Variants in FANCA observed in about 807,000 individuals in gnomAD.
FANCA encodes FA complementation group A.
FANCA carries 236 observed loss-of-function variants against 194.3 expected under a neutral mutation model. That is an observed-to-expected ratio of 1.21 (90% CI 1.09 to 1.35). The LOEUF (loss-of-function observed/expected upper bound fraction) is 1.35, where lower values mean the gene tolerates loss of function less well. FANCA is among the 40% of genes most tolerant of loss of function. The pLI is 0.00. For synonymous variants in FANCA, 1,014 were observed against 715.8 expected, an observed-to-expected ratio of 1.42 and a Z score of -6.65; for missense variants, 2,628 against 1,813.9, an observed-to-expected ratio of 1.45 and a Z score of -8.15.
intron 8 of FANCA, among the ~76,000 whole-genome samples, chr16:89,802,883 A>C (rs1470746284): frequency 6.6e-6 from 1 of 152,208 alleles, no homozygotes; most frequent in Non-Finnish European, 1.5e-5. Context: ...GAGATACCAG[A>C]GATGAGAAGG....
At chr16:89,808,427 C>T (rs1304491126) in intron 5 of FANCA, 60 bp from the exon 6 acceptor site, 9 of 1,524,754 alleles carry the variant, frequency 5.9e-6, no homozygotes, top group African/African-American at 1.4e-5. Context: ...CATTCTGAGT[C>T]CTTTATGAAT....
intron 3 of FANCA, among the ~76,000 whole-genome samples, chr16:89,811,727 T>A (rs1567654677): frequency 2.1e-5 from 1 of 47,148 alleles, no homozygotes; most frequent in African/African-American, 9.6e-5. Flanking sequence ...CCAAAATTAA[T>A]TTTTTTTTGT....
chr16:89,742,627 G>T (rs1442450029), intron 37 of FANCA, among the ~76,000 whole-genome samples, 173 bp downstream of exon 37: 1 of 124,588 alleles, frequency 8.0e-6, no homozygotes, highest in Non-Finnish European at 1.6e-5. Context: ...GGCTAACACA[G>T]TGAAACCCCG....
chr16:89,765,010 C>G lies in FANCA; in HGVS notation c.2658G>C (p.Glu886Asp), dbSNP rs139002130. Residue 886 changes from glutamate (E) to aspartate (D), a missense_variant, in exon 28 of 43, where the codon GAG (glutamate) becomes GAC (aspartate). Transcript: ENST00000389301. ...FSEARQPLSE[E>D]DVASLSWRPL... ...GTCTCCAGGAAAGGCTGGCTACGTC[C>G]TCCTCAGAAAGAGGCTGTCGGGCCT... The G allele has an allele frequency of 3.9e-4, 634 of 1,614,120 alleles. No individual in the cohort carries two copies. The highest frequency in any genetic ancestry group is 4.8e-4 in the Non-Finnish European group (564 of 1,180,048).
intron 9 of FANCA, 126 bp from the exon 10 acceptor site, chr16:89,799,358 A>G: frequency 8.9e-7 from 1 of 1,123,206 alleles, no homozygotes; most frequent in Non-Finnish European, 1.3e-6. Flanking sequence ...ATCCATCAAG[A>G]CTTCTACAAT....
intron 17 of FANCA, among the ~76,000 whole-genome samples, chr16:89,780,267 A>C (rs2143435762): frequency 6.6e-6 from 1 of 152,260 alleles, no homozygotes; most frequent in South Asian, 2.1e-4. Flanking sequence ...GCCTCCAGGA[A>C]AGAGTTGAAA....
intron 30 of FANCA, among the ~76,000 whole-genome samples, chr16:89,755,273 C>T (rs1376380715): frequency 1.3e-5 from 2 of 151,790 alleles, no homozygotes; most frequent in East Asian, 3.9e-4. Context: ...TGCAGTGGCA[C>T]AATCTGGGCT....
At chr16:89,802,129 G>C (rs980614883) in intron 8 of FANCA, among the ~76,000 whole-genome samples, 1 of 152,168 alleles carries the variant, frequency 6.6e-6, no homozygotes, top group African/African-American at 2.4e-5. Context: ...AGCTTTAACG[G>C]AGTCTCGCTC....
In FANCA at chr16:89,792,891, G is replaced by A. The variant is rs138835021; in HGVS notation, c.1007-344C>T. 1.7e-3 allele frequency among the ~76,000 whole-genome samples: 253 copies of A among 152,262 alleles called. 1 individual carries two copies. The highest frequency in any genetic ancestry group is 5.4e-3 in the African/African-American group (225 of 41,548). ...GGGCCCTTCCCTGCCTGGAAGCCGA[G>A]GCAGAGAGGGAGAGGAGATAGAGAC... On this transcript the variant is annotated intron_variant, in intron 11 of 42. Transcript: ENST00000389301.
At chr16:89,760,161 C>G (rs992350743) in intron 29 of FANCA, among the ~76,000 whole-genome samples, 1 of 152,266 alleles carries the variant, frequency 6.6e-6, no homozygotes, top group Admixed American at 6.5e-5. Flanking sequence ...AGCATGACCT[C>G]ATGCAGCAGA....
intron 7 of FANCA, among the ~76,000 whole-genome samples, chr16:89,804,936 T>C (rs2238533): frequency 0.13 from 20,345 of 151,512 alleles, 2,600 homozygotes; most frequent in East Asian, 0.64. Context: ...ACTAAGGAGG[T>C]TGAGGCAGAG....
At chr16:89,776,323 A>G (rs1306367922) in intron 20 of FANCA, among the ~76,000 whole-genome samples, 1 of 150,982 alleles carries the variant, frequency 6.6e-6, no homozygotes, top group African/African-American at 2.4e-5. Flanking sequence ...GCCTGCCACC[A>G]GGCCCAGCTA....
intron 37 of FANCA, 89 bp from the exon 38 acceptor site, chr16:89,740,955 AT>A: frequency 8.4e-7 from 1 of 1,197,534 alleles, no homozygotes; most frequent in Non-Finnish European, 1.2e-6. Context: ...TTTAATTGAA[AT>A]TTTTTACATC....
At position 89,810,960 on chromosome 16, in the gene FANCA, C is replaced by A. The variant is rs1435291053; in HGVS notation, c.395G>T (p.Ser132Ile). The A allele has an allele frequency of 6.2e-7, 1 of 1,614,018 alleles. No individual in the cohort carries two copies. Among genetic ancestry groups the A allele is most frequent in the Non-Finnish European group, 8.5e-7 (1 of 1,180,056 alleles). Residue 132 changes from serine (S) to isoleucine (I), a missense_variant, in exon 4 of 43, where the codon AGT becomes ATT. Ser to Ile is a moderately radical substitution (Grantham distance 142). Transcript: ENST00000389301. ...CTCCACAGTCAGCAGCACAGGGTGACTGGTCTCCGCTGGAGCCGTGCAGAT... is the reference window on the plus strand; with the variant it reads ...CTCCACAGTCAGCAGCACAGGGTGAATGGTCTCCGCTGGAGCCGTGCAGAT... ...GQICTAPAET[S>I]HPVLLTVEQR... is the part of the protein sequence containing the mutation.
chr16:89,783,156 C>T, intron 15 of FANCA, 54 bp from the exon 16 acceptor site: 2 of 1,337,112 alleles, frequency 1.5e-6, no homozygotes, highest in African/African-American at 2.9e-5. Context: ...GCCTGGGACT[C>T]CAGGGAGGCC....
Position 89,767,168 on chromosome 16 carries a change from G to A in FANCA, c.2574C>T (p.Ser858=). The change falls in exon 27 of 43, where the codon AGC becomes AGT. Residue 858 remains serine (S), a synonymous_variant. Coordinates refer to ENST00000389301, the MANE Select transcript of FANCA (RefSeq NM_000135.4). ...FSSQSRDTLC[S]CLSPGLIKKF... ...TTTTAATAAGGCCTGGAGATAAGCAGCTGCACAAAGTATCTCGTGACTGGG... is the reference window on the plus strand; with the variant it reads ...TTTTAATAAGGCCTGGAGATAAGCAACTGCACAAAGTATCTCGTGACTGGG... 1 of 1,613,402 alleles carries A rather than the reference G, an allele frequency of 6.2e-7. No homozygotes were observed. Among genetic ancestry groups the A allele is most frequent in the Non-Finnish European group, 8.5e-7 (1 of 1,179,330 alleles).
chr16:89,757,998 G>T (rs895361337), intron 30 of FANCA, among the ~76,000 whole-genome samples: 1 of 152,114 alleles, frequency 6.6e-6, no homozygotes, highest in African/African-American at 2.4e-5. Context: ...TGGGATTACA[G>T]GCACCCGCCA....
intron 21 of FANCA, among the ~76,000 whole-genome samples, chr16:89,774,926 T>G (rs1391628069): frequency 2.0e-5 from 3 of 151,488 alleles, no homozygotes; most frequent in African/African-American, 7.3e-5. Context: ...AAACCCCATC[T>G]CTACTAAAAA....
intron 22 of FANCA, among the ~76,000 whole-genome samples, 169 bp downstream of exon 22, chr16:89,773,102 T>C (rs2039379764): frequency 6.6e-6 from 1 of 152,196 alleles, no homozygotes; most frequent in Non-Finnish European, 1.5e-5. Flanking sequence ...CCTTCCACCT[T>C]GTCTCAAAAA....
Sources: gnomAD v4.1 joint callset for allele counts (sites outside exome capture counted in the v4.1 genomes callset) on GRCh38, gnomAD v4.1.1 for gene constraint, MANE v1.5 for transcripts, NCBI Gene and HGNC (gene_info 2026-07-23, HGNC 2026-07-21) for gene names.